The following KSR1 variants were observed in gnomAD, a reference collection of about 807,000 sequenced individuals.
The protein encoded by KSR1 is kinase suppressor of ras 1, also known as kinase suppressor of ras.
In KSR1, 35 loss-of-function variants were observed where a neutral mutation model predicts 92.9. That is an observed-to-expected ratio of 0.38 (90% CI 0.29 to 0.50). The LOEUF is 0.50. KSR1 is among the 20% of genes least tolerant of loss of function. KSR1 has a pLI of 0.94. For missense variants in KSR1, 972 were observed against 1,158.5 expected (o/e 0.84, Z 2.34); for synonymous variants, 467 against 472.6 (o/e 0.99, Z 0.15).
intron 10 of KSR1, among the ~76,000 whole-genome samples, chr17:27,599,803 A>G (rs1035444685): frequency 6.6e-6 from 1 of 152,218 alleles, no homozygotes; most frequent in Non-Finnish European, 1.5e-5. Context: ...AACATATTGT[A>G]TAGCTGTACA....
At chr17:27,561,072 C>A (rs79344991) in intron 2 of KSR1, among the ~76,000 whole-genome samples, 3,088 of 152,282 alleles carry the variant, frequency 0.02, 68 homozygotes, top group African/African-American at 0.059. Context: ...AAGGAAGGGG[C>A]AAGCTACAAG....
intron 1 of KSR1, among the ~76,000 whole-genome samples, chr17:27,550,152 A>G (rs1281764769): frequency 2.0e-5 from 3 of 152,180 alleles, no homozygotes; most frequent in Admixed American, 6.5e-5. Flanking sequence ...CGATCCTCCC[A>G]CCTTAGCCTC....
At chr17:27,464,011 A>G (rs879317488) in intron 1 of KSR1, among the ~76,000 whole-genome samples, 3 of 152,162 alleles carry the variant, frequency 2.0e-5, no homozygotes, top group Non-Finnish European at 2.9e-5. Context: ...AGAATTAACA[A>G]AGGGTGGTTA....
chr17:27,469,483 G>A (rs916777391), intron 1 of KSR1, among the ~76,000 whole-genome samples: 4 of 152,110 alleles, frequency 2.6e-5, no homozygotes, highest in Admixed American at 2.0e-4. Flanking sequence ...CAGGATGTGC[G>A]GGGACTCTGG....
intron 1 of KSR1, among the ~76,000 whole-genome samples, chr17:27,540,075 C>T (rs2070900859): frequency 1.3e-5 from 2 of 152,226 alleles, no homozygotes; most frequent in South Asian, 4.1e-4. Context: ...GCTTTTAAAC[C>T]ATAGTTGACC....
At chr17:27,564,242 C>G (rs1028120257) in intron 2 of KSR1, among the ~76,000 whole-genome samples, 1 of 152,034 alleles carries the variant, frequency 6.6e-6, no homozygotes, top group Non-Finnish European at 1.5e-5. Context: ...CTGCCTGCCT[C>G]GGCCTCCCAA....
At chr17:27,563,297 T>C (rs2948524) in intron 2 of KSR1, among the ~76,000 whole-genome samples, 107,332 of 151,878 alleles carry the variant, frequency 0.71, 37,986 homozygotes, top group Admixed American at 0.77. Context: ...TTTCTGTTTT[T>C]TTGCTGCCCA....
intron 1 of KSR1, among the ~76,000 whole-genome samples, chr17:27,465,941 T>C (rs1378699565): frequency 2.6e-5 from 4 of 152,190 alleles, no homozygotes; most frequent in Non-Finnish European, 2.9e-5. Context: ...CACCAAGGCC[T>C]GGGCCCTTAA....
intron 1 of KSR1, among the ~76,000 whole-genome samples, chr17:27,467,788 A>G (rs906896959): frequency 6.0e-5 from 9 of 150,892 alleles, no homozygotes; most frequent in Admixed American, 5.9e-4. Context: ...ATCAGGTGAA[A>G]TGCCTAGGTC....
At chr17:27,526,939 CT>C in intron 1 of KSR1, 2 of 603,914 alleles carry the variant, frequency 3.3e-6, no homozygotes, top group Non-Finnish European at 6.1e-6. Context: ...CTGACGCTCC[CT>C]TTCACCTTCT....
At chr17:27,617,916 T>G (rs1416320770) in intron 19 of KSR1, among the ~76,000 whole-genome samples, 1 of 152,068 alleles carries the variant, frequency 6.6e-6, no homozygotes, top group Non-Finnish European at 1.5e-5. Context: ...AGGATTTCGT[T>G]TACCACATTT....
At chr17:27,547,198 CA>C (rs2071212155) in intron 1 of KSR1, among the ~76,000 whole-genome samples, 1 of 152,134 alleles carries the variant, frequency 6.6e-6, no homozygotes, top group Non-Finnish European at 1.5e-5. Flanking sequence ...AGCCTGGGGC[CA>C]AACTAGTTTT....
intron 1 of KSR1, among the ~76,000 whole-genome samples, chr17:27,480,380 ATTTTCTTTTC>A (rs962362694): frequency 6.6e-6 from 1 of 151,854 alleles, no homozygotes; most frequent in African/African-American, 2.4e-5. Flanking sequence ...TCATTCACTG[ATTTTCTTTTC>A]TTTTCTTTTC....
At chr17:27,487,349 C>T (rs192508420) in intron 1 of KSR1, among the ~76,000 whole-genome samples, 6 of 152,236 alleles carry the variant, frequency 3.9e-5, no homozygotes, top group African/African-American at 1.4e-4. Context: ...GAAGGAGAAT[C>T]GCTCGAACCT....
chr17:27,567,385 G>A (rs971411755), intron 2 of KSR1, among the ~76,000 whole-genome samples: 2 of 152,166 alleles, frequency 1.3e-5, no homozygotes, highest in African/African-American at 2.4e-5. Flanking sequence ...GAAGCCAGGA[G>A]TTTGAGACCA....
chr17:27,508,043 C>A (rs1464444022), intron 1 of KSR1, among the ~76,000 whole-genome samples: 1 of 152,160 alleles, frequency 6.6e-6, no homozygotes, highest in Non-Finnish European at 1.5e-5. Context: ...CTCCCACGTG[C>A]CCCCAGTCTC....
intron 2 of KSR1, among the ~76,000 whole-genome samples, chr17:27,570,147 C>A (rs2072249331): frequency 6.6e-6 from 1 of 152,238 alleles, no homozygotes; most frequent in Admixed American, 6.5e-5. Context: ...CTCACCCTAG[C>A]TGGGCCCAGG....
chr17:27,480,371 C>A (rs1346746549), intron 1 of KSR1, among the ~76,000 whole-genome samples: 1 of 152,116 alleles, frequency 6.6e-6, no homozygotes, highest in Non-Finnish European at 1.5e-5. Context: ...TTTTCTCTTT[C>A]ATTCACTGAT....
chr17:27,513,319 G>T (rs547853291), intron 1 of KSR1, among the ~76,000 whole-genome samples: 1 of 152,052 alleles, frequency 6.6e-6, no homozygotes, highest in African/African-American at 2.4e-5. Flanking sequence ...GGCTAGATGC[G>T]GTGGCTCATG....
Sources: allele counts gnomAD v4.1 joint callset (sites outside exome capture counted in the v4.1 genomes callset), GRCh38; gene constraint gnomAD v4.1.1; transcripts MANE v1.5; gene names NCBI Gene and HGNC (gene_info 2026-07-23, HGNC 2026-07-21).